Variants in TBC1D5 observed in about 807,000 individuals in gnomAD.
The protein encoded by TBC1D5 is TBC1 domain family, member 5.
TBC1D5 carries 75 observed loss-of-function variants against 100.3 expected under a neutral mutation model. The observed-to-expected ratio is 0.75, with a 90% CI of 0.62 to 0.91. The LOEUF is 0.91. Ranked by LOEUF, TBC1D5 falls within the 40% of genes least tolerant of loss-of-function variation. The pLI is 0.00. For synonymous variants in TBC1D5, 323 were observed against 325.6 expected (o/e 0.99, Z 0.09); for missense variants, 910 against 942.4 (o/e 0.97, Z 0.45).
chr3:17,665,341 TCA>T (rs2067145508), intron 1 of TBC1D5, among the ~76,000 whole-genome samples: 1 of 152,250 alleles, frequency 6.6e-6, no homozygotes, highest in African/African-American at 2.4e-5. Context: ...AGTGTCTCGC[TCA>T]TATCTTTATA....
chr3:17,703,447 C>T (rs1408919245), intron 1 of TBC1D5, among the ~76,000 whole-genome samples: 3 of 151,936 alleles, frequency 2.0e-5, no homozygotes, highest in African/African-American at 7.3e-5. Context: ...CATTAATATA[C>T]TTTATAAGTA....
chr3:17,317,711 A>G (rs1047055764), intron 13 of TBC1D5, among the ~76,000 whole-genome samples: 1 of 152,170 alleles, frequency 6.6e-6, no homozygotes, highest in African/African-American at 2.4e-5. Flanking sequence ...ATCACACGCA[A>G]TTTCTGATAA....
intron 2 of TBC1D5, among the ~76,000 whole-genome samples, chr3:17,520,964 G>A (rs1038701203): frequency 6.6e-6 from 1 of 152,136 alleles, no homozygotes. Context: ...GCTGCCATCT[G>A]ATTGTTACTG....
At chr3:17,298,626 A>G (rs1281584551) in intron 14 of TBC1D5, among the ~76,000 whole-genome samples, 1 of 152,242 alleles carries the variant, frequency 6.6e-6, no homozygotes, top group Non-Finnish European at 1.5e-5. Flanking sequence ...GGAGTCACCA[A>G]GATGTCCTTC....
At chr3:17,203,149 C>G (rs1188409337) in intron 18 of TBC1D5, among the ~76,000 whole-genome samples, 1 of 152,210 alleles carries the variant, frequency 6.6e-6, no homozygotes, top group African/African-American at 2.4e-5. Context: ...TGGAAGCCCA[C>G]CCCTTGCATG....
At chr3:17,236,970 G>A (rs1369827907) in intron 17 of TBC1D5, among the ~76,000 whole-genome samples, 2 of 152,084 alleles carry the variant, frequency 1.3e-5, no homozygotes, top group Non-Finnish European at 2.9e-5. Flanking sequence ...CTCAACATTT[G>A]TATCATTGGG....
At chr3:17,578,295 A>C (rs2096670152) in intron 2 of TBC1D5, among the ~76,000 whole-genome samples, 5 of 151,980 alleles carry the variant, frequency 3.3e-5, no homozygotes, top group Admixed American at 3.3e-4. Flanking sequence ...TTTTCTGCAC[A>C]CTCAGTGAAG....
At chr3:17,192,303 C>T (rs540108133) in intron 18 of TBC1D5, among the ~76,000 whole-genome samples, 3 of 151,136 alleles carry the variant, frequency 2.0e-5, no homozygotes, top group East Asian at 2.0e-4. Flanking sequence ...ATATTCTATA[C>T]TCTAAACAAA....
intron 3 of TBC1D5, among the ~76,000 whole-genome samples, chr3:17,495,040 G>A (rs1383622811): frequency 1.3e-5 from 2 of 152,176 alleles, no homozygotes; most frequent in Non-Finnish European, 2.9e-5. Context: ...TGCGGCTCCC[G>A]GGTGGCCCCT....
intron 2 of TBC1D5, among the ~76,000 whole-genome samples, chr3:17,591,233 C>CA (rs60889092): frequency 0.06 from 1,119 of 18,572 alleles, 197 homozygotes; most frequent in Non-Finnish European, 0.099. Context: ...AAGGATCTGT[C>CA]AAAAAAAAAA....
Position 17,247,821 on chromosome 3 carries a change from C to T in TBC1D5, c.1332-9402G>A, listed in dbSNP as rs2076862934. ...TTCAATAATGTTCATAGCATATTTA[C>T]CAGGAGTAGATTCCATCTTAAGAAA... On this transcript the variant is annotated intron_variant, in intron 16 of 21. Transcript: ENST00000253692. Among the ~76,000 whole-genome samples, 4 of 152,108 alleles carry T rather than the reference C, an allele frequency of 2.6e-5. No homozygotes were observed. The South Asian group carries it at 8.3e-4, about 32-fold the overall frequency.
intron 2 of TBC1D5, among the ~76,000 whole-genome samples, chr3:17,614,446 C>T (rs551978154): frequency 9.2e-5 from 14 of 152,046 alleles, no homozygotes; most frequent in Admixed American, 3.9e-4. Flanking sequence ...AGCTTGATGG[C>T]GATGGTATTG....
At chr3:17,728,877 G>A (rs2076327063) in intron 1 of TBC1D5, among the ~76,000 whole-genome samples, 1 of 151,666 alleles carries the variant, frequency 6.6e-6, no homozygotes, top group South Asian at 2.1e-4. Flanking sequence ...AGTAATATAT[G>A]AGACTACATA....
At chr3:17,613,058 C>A (rs1297168466) in intron 2 of TBC1D5, among the ~76,000 whole-genome samples, 1 of 152,088 alleles carries the variant, frequency 6.6e-6, no homozygotes, top group Non-Finnish European at 1.5e-5. Flanking sequence ...ACAACAGACC[C>A]CGGTGTGTGA....
intron 1 of TBC1D5, among the ~76,000 whole-genome samples, chr3:17,685,098 TCTAAAATGA>T (rs1220359582): frequency 6.6e-6 from 1 of 152,046 alleles, no homozygotes; most frequent in African/African-American, 2.4e-5. Context: ...TGTAAGTGAC[TCTAAAATGA>T]GTATGCACAT....
chr3:17,719,635 T>A lies in TBC1D5; in HGVS notation c.-101+19708A>T, dbSNP rs553943985. Among the ~76,000 whole-genome samples the A allele has an allele frequency of 5.3e-5, 8 of 152,238 alleles. No individual in the cohort carries two copies. The South Asian group carries it at 1.7e-3, about 32-fold the overall frequency. ...ACTGCTATTCCTATGAGGACTGACT[T>A]TGATGCACAAAAGTTTAAGTTTGAC... On this transcript the variant is annotated intron_variant, in intron 1 of 21. Transcript: ENST00000253692.
intron 2 of TBC1D5, among the ~76,000 whole-genome samples, chr3:17,557,098 G>C (rs2096527095): frequency 6.6e-6 from 1 of 152,182 alleles, no homozygotes; most frequent in African/African-American, 2.4e-5. Flanking sequence ...TATTAGTGCT[G>C]ACAAATGTTT....
chr3:17,724,024 C>T (rs2075906717), intron 1 of TBC1D5, among the ~76,000 whole-genome samples: 1 of 151,782 alleles, frequency 6.6e-6, no homozygotes, highest in East Asian at 1.9e-4. Flanking sequence ...CACTATTTTA[C>T]CCTTACTCCT....
chr3:17,163,762 G>T (rs1194215147), intron 21 of TBC1D5, among the ~76,000 whole-genome samples: 1 of 152,220 alleles, frequency 6.6e-6, no homozygotes, highest in Non-Finnish European at 1.5e-5. Flanking sequence ...GCAGCCCCTA[G>T]CCACAGGTGG....
Sources: allele counts gnomAD v4.1 joint callset (sites outside exome capture counted in the v4.1 genomes callset), GRCh38; gene constraint gnomAD v4.1.1; transcripts MANE v1.5; gene names NCBI Gene and HGNC (gene_info 2026-07-23, HGNC 2026-07-21).